Variants in CASZ1 observed in about 807,000 individuals in gnomAD.
The protein encoded by CASZ1 is castor zinc finger 1.
Under a neutral mutation model 135.2 loss-of-function variants are expected in CASZ1, and 28 were observed. The ratio of observed to expected loss-of-function variants is 0.21; its 90% CI spans 0.15 to 0.28. The LOEUF is 0.28. Ranked by LOEUF, CASZ1 falls within the 10% of genes least tolerant of loss-of-function variation. The pLI, the probability that CASZ1 is intolerant of heterozygous loss-of-function variation, is 1.00. For missense variants in CASZ1, 2,161 were observed against 2,453.3 expected (o/e 0.88, Z 2.52); for synonymous variants, 1,068 against 1,073.4 (o/e 0.99, Z 0.10).
intron 1 of CASZ1, among the ~76,000 whole-genome samples, chr1:10,779,812 G>A (rs1162223754): frequency 1.3e-5 from 2 of 152,176 alleles, no homozygotes; most frequent in African/African-American, 2.4e-5. Context: ...TATTTATTCC[G>A]TCGTGATATT....
At position 10,763,812 on chromosome 1, in the gene CASZ1, G is replaced by A. The variant is rs74052187; in HGVS notation, c.-233-2955C>T. Among the ~76,000 whole-genome samples, 344 of 152,322 alleles carry A rather than the reference G, an allele frequency of 2.3e-3. 1 individual carries two copies. The highest frequency in any genetic ancestry group is 7.7e-3 in the African/African-American group (322 of 41,564). ...CCCTGACTTCAGGTCAGAGTCAGAT[G>A]AGCTCCGTGCAGCTTGGCCCCTCTT... On this transcript the variant is annotated intron_variant, in intron 1 of 20. Transcript: ENST00000377022.
intron 4 of CASZ1, among the ~76,000 whole-genome samples, chr1:10,684,732 T>C (rs1395625555): frequency 6.6e-6 from 1 of 152,198 alleles, no homozygotes; most frequent in Non-Finnish European, 1.5e-5. Context: ...GCCTGGAGTC[T>C]AACTCGCATC....
At chr1:10,648,827 G>A (rs2124675283) in intron 15 of CASZ1, 2 of 533,686 alleles carry the variant, frequency 3.7e-6, no homozygotes, top group Non-Finnish European at 6.7e-6. Context: ...GGACGTGGGT[G>A]CAGCAGCAGC....
rs2100568765 is a variant in CASZ1 at position 10,757,301 on chromosome 1, C to T, written c.-77+3400G>A. Among the ~76,000 whole-genome samples the T allele has an allele frequency of 6.6e-6, 1 of 152,310 alleles. No individual in the cohort carries two copies. Among genetic ancestry groups the T allele is most frequent in the Middle Eastern group, 3.4e-3 (1 of 294 alleles). On this transcript the variant is annotated intron_variant, in intron 2 of 20. Transcript: ENST00000377022. This position sits in a 1 kb window ranked among gnomAD's most constrained non-coding sequence, Gnocchi z 4.6. Reference sequence around the variant, plus strand: ...AGAATGCTTGAGTCATCCTGGGGCCCTCTCTTTTCCTTGCCCCGTTGAATC... The same window carrying T: ...AGAATGCTTGAGTCATCCTGGGGCCTTCTCTTTTCCTTGCCCCGTTGAATC...
rs538530105 is a variant in CASZ1, at chr1:10,697,763, C to T, written c.-23-3851G>A. 1.4e-3 allele frequency among the ~76,000 whole-genome samples: 220 copies of T among 152,366 alleles called. 1 individual carries two copies. The highest frequency in any genetic ancestry group is 5.0e-3 in the African/African-American group (208 of 41,580). On this transcript the variant is annotated intron_variant, in intron 3 of 20. Transcript: ENST00000377022. This position sits in a 1 kb window ranked among gnomAD's most constrained non-coding sequence, Gnocchi z 4.7. Reference sequence around the variant, plus strand: ...AGCTCCTTTTGTTATTGCACCCCACCCCAGGATCCCAATAAACTGGTTCCA... The same window carrying T: ...AGCTCCTTTTGTTATTGCACCCCACTCCAGGATCCCAATAAACTGGTTCCA...
intron 1 of CASZ1, among the ~76,000 whole-genome samples, chr1:10,785,057 G>T (rs5007611): frequency 0.73 from 106,397 of 146,590 alleles, 39,581 homozygotes; most frequent in Non-Finnish European, 0.82. Flanking sequence ...CTTTCTTTCT[G>T]TCTCTCTCTC....
At position 10,699,189 on chromosome 1, in the gene CASZ1, G is replaced by T. The variant is rs1474533493; in HGVS notation, c.-23-5277C>A. Among the ~76,000 whole-genome samples the T allele has an allele frequency of 6.6e-6, 1 of 152,306 alleles. No homozygotes were observed. The highest frequency in any genetic ancestry group is 1.5e-5 in the Non-Finnish European group (1 of 68,008). ...TGGGGATCGACATGGCCCAAATCTG[G>T]CCTCTCCCTGCACTTCCAGCTCATC... is the stretch of plus-strand genomic sequence containing the variant. On this transcript the variant is annotated intron_variant, in intron 3 of 20. Coordinates refer to ENST00000377022, the MANE Select transcript of CASZ1 (RefSeq NM_001079843.3). The surrounding 1 kb of genome is among the most constrained non-coding windows in gnomAD (Gnocchi z 4.6).
At chr1:10,765,488 G>T (rs1033565496) in intron 1 of CASZ1, among the ~76,000 whole-genome samples, 3 of 151,908 alleles carry the variant, frequency 2.0e-5, no homozygotes, top group African/African-American at 7.3e-5. Flanking sequence ...TTTCATCTGT[G>T]ATCTCACACG....
chr1:10,791,770 T>C (rs1204196710), intron 1 of CASZ1, among the ~76,000 whole-genome samples: 4 of 152,000 alleles, frequency 2.6e-5, no homozygotes, highest in Admixed American at 1.3e-4. Flanking sequence ...AAGAGAGAGA[T>C]GACTTTCCTT....
At chr1:10,658,708 C>T (rs1050194180) in intron 6 of CASZ1, 132 bp from the exon 7 acceptor site, 26 of 757,188 alleles carry the variant, frequency 3.4e-5, no homozygotes, top group African/African-American at 1.4e-4. Flanking sequence ...GAGGCACCCA[C>T]GGTGGGACTG....
intron 2 of CASZ1, among the ~76,000 whole-genome samples, chr1:10,754,578 TCC>T (rs1640211143): frequency 6.6e-6 from 1 of 152,144 alleles, no homozygotes; most frequent in Non-Finnish European, 1.5e-5. Context: ...AACCAGGTGC[TCC>T]TCACACCCTC....
At chr1:10,764,102 A>G (rs1640427597) in intron 1 of CASZ1, among the ~76,000 whole-genome samples, 1 of 152,348 alleles carries the variant, frequency 6.6e-6, no homozygotes, top group East Asian at 1.9e-4. Context: ...ACCTCAGGTG[A>G]TCGGCCTGCC....
intron 4 of CASZ1, among the ~76,000 whole-genome samples, chr1:10,667,595 C>G (rs999752038): frequency 6.6e-6 from 1 of 152,170 alleles, no homozygotes; most frequent in African/African-American, 2.4e-5. Flanking sequence ...AACAGGCCTC[C>G]GGGGAAGCGG....
intron 10 of CASZ1, 74 bp from the exon 11 acceptor site, chr1:10,654,292 G>GA (rs1036078738): frequency 1.9e-6 from 3 of 1,584,492 alleles, no homozygotes; most frequent in Non-Finnish European, 2.6e-6. Context: ...CCCTGGGAGG[G>GA]ACAGTCCCCC....
rs1178059524 is a variant in CASZ1, at chr1:10,759,602, G to A, written c.-77+1099C>T. 1.3e-5 allele frequency among the ~76,000 whole-genome samples: 2 copies of A among 152,176 alleles called. No homozygotes were observed. Among genetic ancestry groups the A allele is most frequent in the Admixed American group, 6.5e-5 (1 of 15,272 alleles). On this transcript the variant is annotated intron_variant, in intron 2 of 20. Coordinates refer to ENST00000377022, the MANE Select transcript of CASZ1 (RefSeq NM_001079843.3). This position sits in a 1 kb window ranked among gnomAD's most constrained non-coding sequence, Gnocchi z 4.2. ...GCATGGCCTGGATTCAGGCAGGTCT[G>A]CAGCTTCAGGGACCTACCAAACCCC...
At chr1:10,793,739 C>T (rs1641004707) in intron 1 of CASZ1, among the ~76,000 whole-genome samples, 1 of 151,510 alleles carries the variant, frequency 6.6e-6, no homozygotes, top group African/African-American at 2.4e-5. Flanking sequence ...GGCGGGGCGG[C>T]GATCTCTCCA....
chr1:10,787,666 C>T (rs1640883365), intron 1 of CASZ1, among the ~76,000 whole-genome samples: 3 of 152,160 alleles, frequency 2.0e-5, no homozygotes, highest in South Asian at 2.1e-4. Context: ...CACACACACA[C>T]GCATACACAC....
Position 10,653,371 on chromosome 1 carries a change from G to A in CASZ1, c.2680+6C>T, listed in dbSNP as rs1295815784. On this transcript the variant is annotated splice_donor_region_variant and intron_variant, in intron 11 of 20. Transcript: ENST00000377022. ...CTGCTTTCTGGGCAGGACCCAGCCT[G>A]CTCACCTGGGTCAAAGGTGGCAGAG... is the stretch of plus-strand genomic sequence containing the variant. The A allele has an allele frequency of 1.2e-6, 2 of 1,613,004 alleles. No individual in the cohort carries two copies. Among genetic ancestry groups the A allele is most frequent in the Non-Finnish European group, 8.5e-7 (1 of 1,179,874 alleles).
In CASZ1 at chr1:10,767,603, T is replaced by C. The variant is rs956619617; in HGVS notation, c.-233-6746A>G. On this transcript the variant is annotated intron_variant, in intron 1 of 20. Transcript: ENST00000377022. This position sits in a 1 kb window ranked among gnomAD's most constrained non-coding sequence, Gnocchi z 4.2. ...CCAGGCTTGGTGGCTCAGCCCTTTC[T>C]GCCATCGACCACCCAAAGTCATTCA... Among the ~76,000 whole-genome samples, 2 of 152,230 alleles carry C rather than the reference T, an allele frequency of 1.3e-5. No homozygotes were observed. The highest frequency in any genetic ancestry group is 1.3e-4 in the Admixed American group (2 of 15,288).
Sources: allele counts gnomAD v4.1 joint callset (sites outside exome capture counted in the v4.1 genomes callset), GRCh38; gene constraint gnomAD v4.1.1; non-coding constraint Gnocchi (gnomAD v3.1); transcripts MANE v1.5; gene names NCBI Gene and HGNC (gene_info 2026-07-23, HGNC 2026-07-21).